Variants in RARB observed in about 807,000 individuals in gnomAD.
RARB encodes HBV-activated protein.
RARB carries 17 observed loss-of-function variants against 51.9 expected under a neutral mutation model. The ratio of observed to expected loss-of-function variants is 0.33; its 90% confidence interval spans 0.22 to 0.49. RARB has a LOEUF of 0.49. RARB is among the 20% of genes least tolerant of loss of function. The pLI, the probability that RARB is intolerant of heterozygous loss-of-function variation, is 0.99. For synonymous variants in RARB, 215 were observed against 195.4 expected (o/e 1.10, Z -0.84); for missense variants, 369 against 550.8 (o/e 0.67, Z 3.30).
At chr3:24,975,790 A>C (rs1400349333) in intron 2 of RARB, among the ~76,000 whole-genome samples, 1 of 151,492 alleles carries the variant, frequency 6.6e-6, no homozygotes, top group African/African-American at 2.4e-5. Context: ...GTTATTATAC[A>C]TTAAGTTCTA....
At chr3:25,078,299 GGTATAAAGCTGGGAT>G (rs1698916295) in intron 3 of RARB, among the ~76,000 whole-genome samples, 1 of 152,010 alleles carries the variant, frequency 6.6e-6, no homozygotes, top group South Asian at 2.1e-4. Flanking sequence ...ACTTTTGTGT[GGTATAAAGCTGGGAT>G]GTAAGTTCGT....
intron 5 of RARB, among the ~76,000 whole-genome samples, chr3:25,336,402 A>G (rs535744949): frequency 1.2e-4 from 18 of 152,328 alleles, no homozygotes. Context: ...GTGCTTTTAG[A>G]GTTCAAGGCA....
At chr3:25,015,429 G>A (rs1347779872) in intron 2 of RARB, among the ~76,000 whole-genome samples, 4 of 152,118 alleles carry the variant, frequency 2.6e-5, no homozygotes, top group African/African-American at 9.7e-5. Flanking sequence ...AAATAACTGT[G>A]AAATAAATGG....
intron 1 of RARB, among the ~76,000 whole-genome samples, chr3:24,851,446 A>G (rs996195369): frequency 6.6e-6 from 1 of 150,600 alleles, no homozygotes; most frequent in Non-Finnish European, 1.5e-5. Context: ...AAAAAAAAGG[A>G]AATTGTGGCC....
intron 4 of RARB, among the ~76,000 whole-genome samples, chr3:25,578,549 C>A (rs564871622): frequency 6.6e-6 from 1 of 152,214 alleles, no homozygotes; most frequent in Non-Finnish European, 1.5e-5. Flanking sequence ...CCCTCTCTTC[C>A]GTGTCATCTT....
At chr3:25,342,836 G>A (rs1328400285) in intron 5 of RARB, among the ~76,000 whole-genome samples, 1 of 152,096 alleles carries the variant, frequency 6.6e-6, no homozygotes, top group Non-Finnish European at 1.5e-5. Flanking sequence ...CTCATCTGAA[G>A]TACAAAGAAA....
At chr3:25,336,482 T>G (rs1705066610) in intron 5 of RARB, among the ~76,000 whole-genome samples, 2 of 152,228 alleles carry the variant, frequency 1.3e-5, no homozygotes, top group South Asian at 2.1e-4. Context: ...TATTCCTTAG[T>G]AGATTTTAAA....
At chr3:25,464,810 T>G (rs1240424108) in intron 2 of RARB, among the ~76,000 whole-genome samples, 4 of 152,178 alleles carry the variant, frequency 2.6e-5, no homozygotes, top group Non-Finnish European at 5.9e-5. Flanking sequence ...ATATGCATAT[T>G]GTTATTGTTT....
At chr3:25,107,568 A>G (rs1365372171) in intron 3 of RARB, among the ~76,000 whole-genome samples, 2 of 152,182 alleles carry the variant, frequency 1.3e-5, no homozygotes, top group East Asian at 1.9e-4. Context: ...CACGAGTGAT[A>G]TATTTCAAGA....
intron 5 of RARB, among the ~76,000 whole-genome samples, chr3:25,283,027 T>C (rs1451005900): frequency 6.6e-6 from 1 of 152,126 alleles, no homozygotes; most frequent in African/African-American, 2.4e-5. Context: ...CTCTTCCCTT[T>C]TCGGATGAGC....
At chr3:25,502,083 G>A (rs920329506) in intron 3 of RARB, among the ~76,000 whole-genome samples, 1 of 152,202 alleles carries the variant, frequency 6.6e-6, no homozygotes, top group Non-Finnish European at 1.5e-5. Flanking sequence ...ATGGGGCTAT[G>A]TGCCCAGTGA....
At chr3:24,929,450 T>A (rs1411147532) in intron 2 of RARB, among the ~76,000 whole-genome samples, 1 of 152,088 alleles carries the variant, frequency 6.6e-6, no homozygotes, top group African/African-American at 2.4e-5. Flanking sequence ...TGAGCTGTAG[T>A]TTATAATATG....
intron 3 of RARB, among the ~76,000 whole-genome samples, chr3:25,131,242 A>T (rs1699948825): frequency 6.6e-6 from 1 of 151,924 alleles, no homozygotes; most frequent in East Asian, 1.9e-4. Context: ...AGAGCCAAGG[A>T]CAACATGACT....
At chr3:24,974,070 T>TGG (rs1696457854) in intron 2 of RARB, among the ~76,000 whole-genome samples, 1 of 152,080 alleles carries the variant, frequency 6.6e-6, no homozygotes, top group Non-Finnish European at 1.5e-5. Context: ...CTGTACAATA[T>TGG]GATGGTGGCT....
intron 1 of RARB, among the ~76,000 whole-genome samples, chr3:25,436,180 G>A (rs1179507142): frequency 6.6e-6 from 1 of 152,170 alleles, no homozygotes; most frequent in Non-Finnish European, 1.5e-5. Flanking sequence ...GGATTTGCAT[G>A]TGAAAGTGCC....
intron 5 of RARB, among the ~76,000 whole-genome samples, chr3:25,334,937 G>T (rs1157366465): frequency 6.6e-6 from 1 of 152,180 alleles, no homozygotes; most frequent in African/African-American, 2.4e-5. Flanking sequence ...ATCAGTGTGA[G>T]TTGTGGAGAA....
At chr3:25,591,476 A>C (rs1701612412) in intron 5 of RARB, among the ~76,000 whole-genome samples, 1 of 152,212 alleles carries the variant, frequency 6.6e-6, no homozygotes, top group African/African-American at 2.4e-5. Flanking sequence ...ATTGGCGTGG[A>C]GAGAAAATGA....
chr3:24,939,900 A>C (rs1412286671), intron 2 of RARB, among the ~76,000 whole-genome samples: 1 of 152,260 alleles, frequency 6.6e-6, no homozygotes, highest in Non-Finnish European at 1.5e-5. Flanking sequence ...GAAGTTCTCA[A>C]TACAATCTAT....
chr3:25,146,696 T>C (rs1700199444), intron 4 of RARB, among the ~76,000 whole-genome samples: 1 of 151,708 alleles, frequency 6.6e-6, no homozygotes. Flanking sequence ...TTTTTTGTAT[T>C]TTTTAGTAGA....
Sources: gnomAD v4.1 joint callset for allele counts (sites outside exome capture counted in the v4.1 genomes callset) on GRCh38, gnomAD v4.1.1 for gene constraint, MANE v1.5 for transcripts, NCBI Gene and HGNC (gene_info 2026-07-23, HGNC 2026-07-21) for gene names.